Variants in FRMPD4 observed in about 807,000 individuals in gnomAD.
FRMPD4 encodes FERM and PDZ domain-containing protein 4.
FRMPD4 carries 22 observed loss-of-function variants against 94.1 expected under a neutral mutation model. The observed-to-expected ratio is 0.23, with a 90% CI of 0.17 to 0.33. FRMPD4 has a LOEUF of 0.33. Among genes scored for constraint, FRMPD4 ranks in the 10% least tolerant of loss-of-function variants. FRMPD4 has a pLI of 1.00. For missense variants in FRMPD4, 1,111 were observed against 1,339.9 expected (o/e 0.83, Z 2.67); for synonymous variants, 631 against 548.6 (o/e 1.15, Z -2.10).
chrX:12,717,559 T>C lies in FRMPD4; in HGVS notation c.2733T>C (p.Thr911=). 2 of 1,202,684 alleles carry C rather than the reference T, an allele frequency of 1.7e-6. No homozygotes were observed. The highest frequency in any genetic ancestry group is 2.3e-6 in the Non-Finnish European group (2 of 887,276). ...CTTCGTCAGACTCGGGCAATGAAAC[T>C]AACTCTTCTGAAATGACTGAGAGTT... ...PESSSDSGNE[T]NSSEMTESSE... is the part of the protein sequence containing the mutation. The change falls in exon 16 of 17, where the codon ACT becomes ACC. Residue 911 remains threonine, a synonymous_variant. Coordinates refer to ENST00000675598, the MANE Select transcript of FRMPD4 (RefSeq NM_001368397.1).
intron 1 of FRMPD4, among the ~76,000 whole-genome samples, chrX:12,383,870 C>T (rs1482863192): frequency 9.0e-6 from 1 of 111,576 alleles, no homozygotes; most frequent in African/African-American, 3.3e-5. Flanking sequence ...TACGGAGCCT[C>T]GTGTCATGGA....
At chrX:12,335,531 A>C (rs1440213016) in intron 1 of FRMPD4, among the ~76,000 whole-genome samples, 6 of 111,554 alleles carry the variant, frequency 5.4e-5, no homozygotes, top group South Asian at 7.6e-4. Context: ...AACACAAGGA[A>C]TGTATTATAA....
intron 1 of FRMPD4, among the ~76,000 whole-genome samples, chrX:12,388,818 G>GATATAT (rs3068660): frequency 5.5e-3 from 335 of 60,693 alleles, no homozygotes; most frequent in East Asian, 0.011. Context: ...AAGAAAATGT[G>GATATAT]ATATATATAT....
At chrX:12,602,018 A>G (rs1465099090) in intron 2 of FRMPD4, among the ~76,000 whole-genome samples, 15 of 111,736 alleles carry the variant, frequency 1.3e-4, no homozygotes, top group African/African-American at 4.6e-4. Flanking sequence ...AGAGTCTGCA[A>G]AAGACCTGTC....
At chrX:12,046,438 C>T (rs1168079188) in intron 3 of FRMPD4, among the ~76,000 whole-genome samples, 3 of 110,559 alleles carry the variant, frequency 2.7e-5, no homozygotes, top group Non-Finnish European at 5.7e-5. Flanking sequence ...ACACTATCTA[C>T]CTGGAGGTAG....
chrX:12,448,545 G>A (rs1419869879), intron 1 of FRMPD4, among the ~76,000 whole-genome samples: 2 of 112,032 alleles, frequency 1.8e-5, no homozygotes, highest in Admixed American at 9.4e-5. Flanking sequence ...ATTGAGTTAA[G>A]CAATCTTTGG....
intron 3 of FRMPD4, among the ~76,000 whole-genome samples, chrX:12,092,461 G>A (rs993279977): frequency 9.0e-6 from 1 of 111,476 alleles, no homozygotes; most frequent in Non-Finnish European, 1.9e-5. Context: ...TTTCCATTGC[G>A]TTACCTCCTG....
At chrX:12,174,648 C>T (rs1678724114) in intron 1 of FRMPD4, among the ~76,000 whole-genome samples, 1 of 111,804 alleles carries the variant, frequency 8.9e-6, no homozygotes, top group Non-Finnish European at 1.9e-5. Flanking sequence ...GGTTCTCAAA[C>T]TTTGATGTAT....
chrX:12,679,085 C>G (rs1227992409), intron 5 of FRMPD4, among the ~76,000 whole-genome samples: 1 of 112,319 alleles, frequency 8.9e-6, no homozygotes, highest in East Asian at 2.8e-4. Flanking sequence ...TATCAGAGCC[C>G]AGACCATATG....
chrX:12,000,829 G>A (rs747297507), intron 3 of FRMPD4, among the ~76,000 whole-genome samples: 10 of 111,774 alleles, frequency 8.9e-5, no homozygotes, highest in East Asian at 2.8e-4. Flanking sequence ...ATAAAATTGC[G>A]TCTTTCATTT....
intron 1 of FRMPD4, among the ~76,000 whole-genome samples, chrX:12,332,225 G>T (rs1367214569): frequency 1.8e-3 from 163 of 90,669 alleles, no homozygotes; most frequent in Admixed American, 2.6e-3. Context: ...GAGAGAGAGA[G>T]AGAGAGAGAG....
At chrX:12,617,358 T>C (rs951888432) in intron 4 of FRMPD4, among the ~76,000 whole-genome samples, 1 of 112,788 alleles carries the variant, frequency 8.9e-6, no homozygotes. Context: ...TTTATCTATG[T>C]CTGCTTTCCT....
intron 2 of FRMPD4, among the ~76,000 whole-genome samples, chrX:11,873,825 A>G (rs1484224476): frequency 1.8e-5 from 2 of 111,456 alleles, no homozygotes; most frequent in Non-Finnish European, 3.8e-5. Context: ...TGCAGGATCT[A>G]TAGTACTTGA....
intron 1 of FRMPD4, among the ~76,000 whole-genome samples, chrX:12,157,088 C>T (rs1226615514): frequency 9.1e-6 from 1 of 110,272 alleles, no homozygotes; most frequent in Non-Finnish European, 1.9e-5. Flanking sequence ...TGCATTGTTA[C>T]CCAGTCCACA....
rs1311709846 is a variant in FRMPD4, at chrX:12,517,459, C to T, written c.158+18663C>T. ...TCTTCTAACTGTCAGGCCCCTCTTC[C>T]GTAGGGTTGCCATGGTTTGCTGGGA... On this transcript the variant is annotated intron_variant, in intron 2 of 16. Transcript: ENST00000675598. Among the ~76,000 whole-genome samples, 6 of 105,135 alleles carry T rather than the reference C, an allele frequency of 5.7e-5. No homozygotes were observed. The Admixed American group carries it at 6.0e-4, about 10-fold the overall frequency. The allele number at this position is 105,135 out of a possible 115,157, so 91.3% of individuals were successfully genotyped here.
chrX:11,866,975 A>G (rs944472871), intron 2 of FRMPD4, among the ~76,000 whole-genome samples: 2 of 111,108 alleles, frequency 1.8e-5, no homozygotes, highest in African/African-American at 6.5e-5. Context: ...TGATTGTATT[A>G]GTATTTTTCA....
intron 1 of FRMPD4, among the ~76,000 whole-genome samples, chrX:12,450,012 T>G (rs766997071): frequency 1.8e-5 from 2 of 109,732 alleles, no homozygotes; most frequent in South Asian, 7.9e-4. Flanking sequence ...AAAAAAGAAA[T>G]TATAGGCAGA....
chrX:11,944,699 C>A (rs1328233690), intron 3 of FRMPD4, among the ~76,000 whole-genome samples: 1 of 111,230 alleles, frequency 9.0e-6, no homozygotes, highest in Non-Finnish European at 1.9e-5. Flanking sequence ...AGAGCAGTTG[C>A]TAGTCCTCGC....
intron 1 of FRMPD4, among the ~76,000 whole-genome samples, chrX:12,480,332 T>TG (rs2057665844): frequency 2.1e-4 from 1 of 4,859 alleles, no homozygotes; most frequent in South Asian, 8.3e-3. Flanking sequence ...TGAAAAGAAA[T>TG]GAAAAAAAAA....
Sources: allele counts gnomAD v4.1 joint callset (sites outside exome capture counted in the v4.1 genomes callset), GRCh38; gene constraint gnomAD v4.1.1; transcripts MANE v1.5; gene names NCBI Gene and HGNC (gene_info 2026-07-23, HGNC 2026-07-21).